The following MAOB variants were observed in gnomAD, a reference collection of about 807,000 sequenced individuals.
MAOB encodes monoamine oxidase B.
MAOB carries 15 observed loss-of-function variants against 41.9 expected under a neutral mutation model. The observed-to-expected ratio is 0.36, with a 90% CI of 0.24 to 0.55. The LOEUF is 0.55. MAOB is among the 20% of genes least tolerant of loss of function. The pLI, the probability that MAOB is intolerant of heterozygous loss-of-function variation, is 0.86. For synonymous variants in MAOB, 167 were observed against 144.2 expected (o/e 1.16, Z -1.13); for missense variants, 345 against 398.7 (o/e 0.87, Z 1.15).
At chrX:43,776,612 C>T (rs988743864) in intron 11 of MAOB, among the ~76,000 whole-genome samples, 1 of 105,895 alleles carries the variant, frequency 9.4e-6, no homozygotes, top group Non-Finnish European at 2.0e-5. Context: ...CACTGAATGG[C>T]ATTTTTTTTT....
At chrX:43,843,373 A>T (rs1184966144) in intron 2 of MAOB, among the ~76,000 whole-genome samples, 1 of 100,735 alleles carries the variant, frequency 9.9e-6, no homozygotes, top group African/African-American at 4.0e-5. Context: ...ACACACACAC[A>T]CACACACACA....
In MAOB at chrX:43,767,263, G is replaced by A. The variant is rs929757988; in HGVS notation, c.*203C>T. The A allele has an allele frequency of 3.5e-5, 13 of 368,138 alleles. No homozygotes were observed. Among genetic ancestry groups the A allele is most frequent in the Admixed American group, 3.4e-4 (7 of 20,643 alleles). 30.3% of individuals were successfully genotyped at this position (368,138 alleles called of 1,213,427 possible). On this transcript the variant is annotated 3_prime_UTR_variant, in exon 15 of 15. Transcript: ENST00000378069. Reference sequence around the variant, plus strand: ...AACTTGGAAACTGGTGAAACAGAACGCTAAGCCAGGTAAGGGACACTAAGC... The same window carrying A: ...AACTTGGAAACTGGTGAAACAGAACACTAAGCCAGGTAAGGGACACTAAGC...
chrX:43,878,918 T>C (rs1489108892), intron 1 of MAOB, among the ~76,000 whole-genome samples: 1 of 112,263 alleles, frequency 8.9e-6, no homozygotes, highest in African/African-American at 3.2e-5. Context: ...CACCCTCAAA[T>C]GACCAAATCT....
intron 3 of MAOB, among the ~76,000 whole-genome samples, chrX:43,809,963 G>A (rs2034721960): frequency 9.8e-6 from 1 of 102,186 alleles, no homozygotes; most frequent in African/African-American, 4.5e-5. Context: ...TATTGGAAGG[G>A]CCGGGCGCGG....
rs767814098 is a variant in MAOB at position 43,772,888 on chromosome X, T to C, written c.1235+2287A>G. Reference sequence around the variant, plus strand: ...CTGCTTTCGCCATGTGACTTGCCTGTTCTCACTTTGCCTTCTGCCATGATT... The same window carrying C: ...CTGCTTTCGCCATGTGACTTGCCTGCTCTCACTTTGCCTTCTGCCATGATT... On this transcript the variant is annotated intron_variant, in intron 12 of 14. Coordinates refer to ENST00000378069, the MANE Select transcript of MAOB (RefSeq NM_000898.5). Among the ~76,000 whole-genome samples, 5 of 112,030 alleles carry C rather than the reference T, an allele frequency of 4.5e-5. No homozygotes were observed. In the South Asian group the frequency reaches 1.9e-3, roughly 42 times the overall value.
At chrX:43,869,281 C>A (rs982947991) in intron 1 of MAOB, among the ~76,000 whole-genome samples, 1 of 111,709 alleles carries the variant, frequency 9.0e-6, no homozygotes, top group African/African-American at 3.3e-5. Context: ...CTTTAAATAA[C>A]GCTAAATTTT....
chrX:43,767,660 A>C, intron 14 of MAOB, 42 bp from the exon 15 acceptor site: 1 of 1,140,744 alleles, frequency 8.8e-7, no homozygotes, highest in Non-Finnish European at 1.2e-6. Flanking sequence ...GGGCTTGTGC[A>C]CTTTATTCCA....
intron 3 of MAOB, among the ~76,000 whole-genome samples, chrX:43,832,776 G>A (rs1396069148): frequency 9.0e-6 from 1 of 111,336 alleles, no homozygotes; most frequent in East Asian, 2.8e-4. Flanking sequence ...CCTCCACATT[G>A]TCCAAGAGTC....
intron 8 of MAOB, among the ~76,000 whole-genome samples, chrX:43,783,552 A>C (rs1466433994): frequency 8.9e-6 from 1 of 112,503 alleles, no homozygotes; most frequent in African/African-American, 3.2e-5. Context: ...TAGTCTATTA[A>C]ATGTGCAATA....
chrX:43,867,026 C>T (rs1484790299), intron 1 of MAOB, among the ~76,000 whole-genome samples: 1 of 112,794 alleles, frequency 8.9e-6, no homozygotes, highest in Non-Finnish European at 1.9e-5. Context: ...CCGCACTGCT[C>T]ACCTGCCTGG....
chrX:43,843,641 A>G (rs1400760337), intron 2 of MAOB, 29 bp downstream of exon 2: 5 of 1,192,409 alleles, frequency 4.2e-6, no homozygotes, highest in Non-Finnish European at 5.6e-6. Context: ...TCAGTCCCAC[A>G]TTTGTCCTCC....
intron 3 of MAOB, among the ~76,000 whole-genome samples, chrX:43,828,612 C>T (rs963857355): frequency 9.0e-6 from 1 of 111,438 alleles, no homozygotes; most frequent in African/African-American, 3.3e-5. Context: ...GCCTGCCCCG[C>T]AATTCAGTCC....
rs779457904 is a variant in MAOB, at chrX:43,826,957, G to A, written c.279+11911C>T. 3.6e-5 allele frequency among the ~76,000 whole-genome samples: 4 copies of A among 111,767 alleles called. No homozygotes were observed. The South Asian group carries it at 1.5e-3, about 42-fold the overall frequency. On this transcript the variant is annotated intron_variant, in intron 3 of 14. Coordinates refer to ENST00000378069, the MANE Select transcript of MAOB (RefSeq NM_000898.5). ...CGTCATGGAACTTGCCTTCTACCAGGAGAAAGTAGTCAAAAACAAATACAT... is the reference window on the plus strand; with the variant it reads ...CGTCATGGAACTTGCCTTCTACCAGAAGAAAGTAGTCAAAAACAAATACAT...
Position 43,775,271 on chromosome X carries a change from G to A in MAOB, c.1139C>T (p.Pro380Leu). ...KVLGSLEALE[P>L]VHYEEKNWCE... Reference sequence around the variant, plus strand: ...CCAGTTCTTTTCTTCATAATGCACTGGCTGCAAGATAGAGCAACAAAAACT... The same window carrying A: ...CCAGTTCTTTTCTTCATAATGCACTAGCTGCAAGATAGAGCAACAAAAACT... Residue 380 changes from proline to leucine, a missense_variant and splice_region_variant, in exon 12 of 15, where the codon CCA becomes CTA. By Grantham distance (98) the Pro-to-Leu change is moderately conservative. Coordinates refer to ENST00000378069, the MANE Select transcript of MAOB (RefSeq NM_000898.5). The A allele has an allele frequency of 8.3e-7, 1 of 1,203,764 alleles. No individual in the cohort carries two copies. The highest frequency in any genetic ancestry group is 1.1e-6 in the Non-Finnish European group (1 of 892,099).
intron 3 of MAOB, among the ~76,000 whole-genome samples, chrX:43,825,730 G>A (rs1012751436): frequency 8.9e-6 from 1 of 112,196 alleles, no homozygotes; most frequent in African/African-American, 3.2e-5. Flanking sequence ...ATAAGATTTT[G>A]AAAGCCAAAG....
At chrX:43,773,042 CA>C (rs1260467032) in intron 12 of MAOB, among the ~76,000 whole-genome samples, 1 of 112,145 alleles carries the variant, frequency 8.9e-6, no homozygotes, top group East Asian at 2.8e-4. Context: ...TTATTTTAAG[CA>C]ATGCAAGAAT....
chrX:43,811,631 GTCT>G (rs925056003), intron 3 of MAOB, among the ~76,000 whole-genome samples: 5 of 112,032 alleles, frequency 4.5e-5, no homozygotes, highest in Admixed American at 1.9e-4. Context: ...GCAAATGGTT[GTCT>G]TCTTCTGTTC....
intron 1 of MAOB, among the ~76,000 whole-genome samples, chrX:43,853,370 T>C (rs2035267006): frequency 9.3e-6 from 1 of 106,998 alleles, no homozygotes; most frequent in African/African-American, 3.5e-5. Context: ...TCTGGCAGGA[T>C]CACCCAGGAA....
At chrX:43,804,999 T>C (rs2034644521) in intron 3 of MAOB, among the ~76,000 whole-genome samples, 1 of 111,692 alleles carries the variant, frequency 9.0e-6, no homozygotes, top group African/African-American at 3.3e-5. Context: ...TTTCCGTATT[T>C]TGTTTTTTAT....
Sources: gnomAD v4.1 joint callset for allele counts (sites outside exome capture counted in the v4.1 genomes callset) on GRCh38, gnomAD v4.1.1 for gene constraint, MANE v1.5 for transcripts, NCBI Gene and HGNC (gene_info 2026-07-23, HGNC 2026-07-21) for gene names.